The following FAF1 variants were observed in gnomAD, a reference collection of about 807,000 sequenced individuals.
The protein encoded by FAF1 is Fas associated factor 1.
In FAF1, 25 loss-of-function variants were observed where a neutral mutation model predicts 92.5. The ratio of observed to expected loss-of-function variants is 0.27; its 90% confidence interval spans 0.20 to 0.38. FAF1 has a LOEUF of 0.38. FAF1 is among the 10% of genes least tolerant of loss of function. The pLI, the probability that FAF1 is intolerant of heterozygous loss-of-function variation, is 1.00. For synonymous variants in FAF1, 234 were observed against 273.2 expected (o/e 0.86, Z 1.42); for missense variants, 636 against 793.3 (o/e 0.80, Z 2.38).
chr1:50,449,341 C>T (rs1646266817), intron 18 of FAF1, among the ~76,000 whole-genome samples: 1 of 152,090 alleles, frequency 6.6e-6, no homozygotes, highest in African/African-American at 2.4e-5. Context: ...AGGTCCTCTC[C>T]TTTCAAATCC....
chr1:50,928,342 G>T (rs181112493), intron 1 of FAF1, among the ~76,000 whole-genome samples: 1 of 152,294 alleles, frequency 6.6e-6, no homozygotes, highest in Admixed American at 6.5e-5. Context: ...ATGGAGAAAA[G>T]AACGTCAAGA....
rs572865303 is a variant in FAF1, at chr1:50,837,990, G to A, written c.114+19939C>T. Among the ~76,000 whole-genome samples the A allele has an allele frequency of 7.2e-5, 11 of 152,018 alleles. No individual in the cohort carries two copies. In the East Asian group the frequency reaches 7.7e-4, roughly 11 times the overall value. On this transcript the variant is annotated intron_variant, in intron 2 of 18. Transcript: ENST00000396153. ...CATCTCCTGACCTTGTGATCGGCCCGCCTCGGCCTCCCAAAGTGCTGGGAT... is the reference window on the plus strand; with the variant it reads ...CATCTCCTGACCTTGTGATCGGCCCACCTCGGCCTCCCAAAGTGCTGGGAT...
In FAF1 at chr1:50,535,300, C is replaced by G. The variant is rs1648416087; in HGVS notation, c.1494+69G>C. The G allele has an allele frequency of 8.8e-6, 9 of 1,025,934 alleles. No homozygotes were observed. The South Asian group carries it at 1.2e-4, about 14-fold the overall frequency. 63.6% of individuals were successfully genotyped at this position (1,025,934 alleles called of 1,614,324 possible). A position where few individuals can be genotyped will look rare whatever the true frequency, so the allele number is the denominator to read the frequency against. On this transcript the variant is annotated intron_variant, in intron 15 of 18. Transcript: ENST00000396153. ...TATCGATCATATCATAGGCATGTAT[C>G]ATCATTTGACAAATTAAAATCCTAT...
At chr1:50,463,584 A>G (rs1456156899) in intron 18 of FAF1, among the ~76,000 whole-genome samples, 1 of 152,244 alleles carries the variant, frequency 6.6e-6, no homozygotes, top group African/African-American at 2.4e-5. Context: ...TCTTAGCCCC[A>G]GTTGTCTAAC....
chr1:50,771,824 C>G (rs1557520054), intron 4 of FAF1, among the ~76,000 whole-genome samples: 1 of 152,192 alleles, frequency 6.6e-6, no homozygotes, highest in Admixed American at 6.5e-5. Context: ...TTGCTTGAAC[C>G]TGGGAGGCGG....
At chr1:50,475,738 G>T in intron 17 of FAF1, 59 bp from the exon 18 acceptor site, 1 of 1,154,372 alleles carries the variant, frequency 8.7e-7, no homozygotes, top group Non-Finnish European at 1.2e-6. Flanking sequence ...TGGAGAGTGG[G>T]GAGGAAGACA....
intron 1 of FAF1, among the ~76,000 whole-genome samples, chr1:50,950,809 T>C (rs770109936): frequency 2.0e-5 from 3 of 152,228 alleles, no homozygotes; most frequent in Non-Finnish European, 2.9e-5. Context: ...AGCCAAGCAC[T>C]GCTAATTTAT....
chr1:50,724,296 T>TACACACACACACACACACAC (rs974347882), intron 6 of FAF1, among the ~76,000 whole-genome samples: 2 of 117,186 alleles, frequency 1.7e-5, no homozygotes, highest in African/African-American at 3.1e-5. Flanking sequence ...CACACACACA[T>TACACACACACACACACACAC]ACACACACAC....
chr1:50,814,258 T>C (rs1410867271), intron 2 of FAF1, among the ~76,000 whole-genome samples: 2 of 152,186 alleles, frequency 1.3e-5, no homozygotes, highest in Non-Finnish European at 2.9e-5. Flanking sequence ...ATTAGCCTAA[T>C]ATTATAGCTG....
intron 1 of FAF1, among the ~76,000 whole-genome samples, chr1:50,879,248 A>C (rs1644593066): frequency 6.6e-6 from 1 of 151,462 alleles, no homozygotes; most frequent in Non-Finnish European, 1.5e-5. Context: ...TTGTTTCAAA[A>C]AATAAACAAA....
intron 1 of FAF1, among the ~76,000 whole-genome samples, chr1:50,925,563 G>A (rs973797183): frequency 2.6e-5 from 4 of 151,774 alleles, no homozygotes; most frequent in Admixed American, 1.3e-4. Flanking sequence ...ATCTCACCCC[G>A]CTCAGAATGG....
chr1:50,646,515 T>C (rs966299571), intron 8 of FAF1, among the ~76,000 whole-genome samples: 2 of 152,212 alleles, frequency 1.3e-5, no homozygotes, highest in Non-Finnish European at 2.9e-5. Context: ...TAAAACACTC[T>C]TTGATATAAA....
chr1:50,450,702 A>G (rs1646284233), intron 18 of FAF1, among the ~76,000 whole-genome samples: 1 of 152,188 alleles, frequency 6.6e-6, no homozygotes, highest in South Asian at 2.1e-4. Context: ...TTATACCCAC[A>G]AAGTATCAGA....
intron 2 of FAF1, among the ~76,000 whole-genome samples, chr1:50,854,028 A>G (rs1193149224): frequency 1.3e-5 from 2 of 152,026 alleles, no homozygotes; most frequent in Non-Finnish European, 2.9e-5. Flanking sequence ...GAAGTTAGAG[A>G]GAAGTAACTT....
intron 8 of FAF1, among the ~76,000 whole-genome samples, chr1:50,629,799 C>CTG (rs1315711030): frequency 6.6e-6 from 1 of 152,134 alleles, no homozygotes; most frequent in Admixed American, 6.5e-5. Flanking sequence ...TGGCTCACGC[C>CTG]TGTAATCCCA....
intron 17 of FAF1, among the ~76,000 whole-genome samples, chr1:50,489,615 T>C (rs894833561): frequency 6.6e-6 from 1 of 152,212 alleles, no homozygotes; most frequent in Non-Finnish European, 1.5e-5. Flanking sequence ...CACTGTTCCC[T>C]AACAGATTTG....
At chr1:50,876,692 TCTC>T (rs1224341326) in intron 1 of FAF1, among the ~76,000 whole-genome samples, 5 of 152,114 alleles carry the variant, frequency 3.3e-5, no homozygotes, top group African/African-American at 1.2e-4. Flanking sequence ...TTCAAGTGAT[TCTC>T]CTACCTCGGC....
intron 1 of FAF1, among the ~76,000 whole-genome samples, chr1:50,883,141 A>T (rs1372787596): frequency 2.0e-5 from 3 of 151,756 alleles, no homozygotes; most frequent in Non-Finnish European, 4.4e-5. Context: ...GATGCAATTC[A>T]AATGCCTAAG....
At chr1:50,626,687 A>G (rs899557814) in intron 8 of FAF1, among the ~76,000 whole-genome samples, 1 of 152,134 alleles carries the variant, frequency 6.6e-6, no homozygotes, top group Admixed American at 6.5e-5. Context: ...AAGCAGGGAG[A>G]TTACTTGAGT....
Sources: allele counts gnomAD v4.1 joint callset (sites outside exome capture counted in the v4.1 genomes callset), GRCh38; gene constraint gnomAD v4.1.1; transcripts MANE v1.5; gene names NCBI Gene and HGNC (gene_info 2026-07-23, HGNC 2026-07-21).